Variants in ACER1 observed in about 807,000 individuals in gnomAD.
ACER1 encodes alkaline ceramidase 1, also known as CTB-180A7.3.
In ACER1, 28 loss-of-function variants were observed where a neutral mutation model predicts 24.9. That is an observed-to-expected ratio of 1.13 (90% confidence interval 0.83 to 1.54). The LOEUF is 1.54. Ranked by LOEUF, ACER1 falls within the 40% of genes most tolerant of loss-of-function variation. The pLI, the probability that ACER1 is intolerant of heterozygous loss-of-function variation, is 0.00. For missense variants in ACER1, 352 were observed against 349.3 expected (o/e 1.01, Z -0.06); for synonymous variants, 132 against 131.4 (o/e 1.00, Z -0.03).
chr19:6,310,101 T>C (rs552992812), intron 3 of ACER1, among the ~76,000 whole-genome samples: 1 of 151,798 alleles, frequency 6.6e-6, no homozygotes, highest in South Asian at 2.1e-4. Flanking sequence ...ATTTCTTTTT[T>C]TTTTGAGACG....
chr19:6,336,706 G>A (rs1021601794), upstream of ACER1, among the ~76,000 whole-genome samples: 1 of 151,020 alleles, frequency 6.6e-6, no homozygotes, highest in Non-Finnish European at 1.5e-5. Context: ...TGTAGTCCCA[G>A]CTACTTGGGA....
At chr19:6,345,813 C>T in the ACER1 span, among the ~76,000 whole-genome samples, 1 of 151,890 alleles carries the variant, frequency 6.6e-6, no homozygotes, top group Admixed American at 6.6e-5. Flanking sequence ...GATCCACCTG[C>T]CTTGGCCTCC....
intron 3 of ACER1, among the ~76,000 whole-genome samples, chr19:6,310,162 G>A (rs992703263): frequency 4.0e-5 from 6 of 151,774 alleles, no homozygotes; most frequent in South Asian, 2.1e-4. Flanking sequence ...ATCTGGGCTC[G>A]CTGCAAGCTC....
chr19:6,335,677 A>G (rs1475434458), upstream of ACER1, among the ~76,000 whole-genome samples: 1 of 151,818 alleles, frequency 6.6e-6, no homozygotes, highest in Non-Finnish European at 1.5e-5. Context: ...AAAAATACAA[A>G]AAAGGTAGCT....
At chr19:6,320,504 G>A (rs945762819) in intron 1 of ACER1, among the ~76,000 whole-genome samples, 12 of 152,120 alleles carry the variant, frequency 7.9e-5, no homozygotes, top group South Asian at 6.2e-4. Flanking sequence ...GTAGAGACGG[G>A]GTTTCGCTAT....
At chr19:6,351,382 T>A in the ACER1 span, among the ~76,000 whole-genome samples, 633 of 150,568 alleles carry the variant, frequency 4.2e-3, 6 homozygotes, top group Non-Finnish European at 7.5e-3. Flanking sequence ...ATAAAAATAA[T>A]AATAATAATA....
the ACER1 span, among the ~76,000 whole-genome samples, chr19:6,357,634 TG>T: frequency 0.015 from 2,300 of 151,252 alleles, 54 homozygotes; most frequent in African/African-American, 0.054. Flanking sequence ...TATCTGGGCG[TG>T]ATGGTGGGTG....
At chr19:6,324,942 A>C (rs1401715446) in intron 1 of ACER1, among the ~76,000 whole-genome samples, 1 of 151,676 alleles carries the variant, frequency 6.6e-6, no homozygotes, top group East Asian at 1.9e-4. Flanking sequence ...CTAAGTTGTC[A>C]TCAACCCAGA....
intron 1 of ACER1, among the ~76,000 whole-genome samples, chr19:6,325,009 C>T (rs185422345): frequency 3.3e-5 from 5 of 152,204 alleles, no homozygotes; most frequent in African/African-American, 1.2e-4. Flanking sequence ...ACTGACGGAG[C>T]CCACACCTGG....
chr19:6,340,076 A>G, the ACER1 span, among the ~76,000 whole-genome samples: 1 of 151,404 alleles, frequency 6.6e-6, no homozygotes, highest in African/African-American at 2.4e-5. Context: ...AGGGTTCAAG[A>G]CCAGCCTGGC....
chr19:6,336,832 A>G (rs981939325), upstream of ACER1, among the ~76,000 whole-genome samples: 7 of 150,592 alleles, frequency 4.6e-5, no homozygotes, highest in African/African-American at 7.3e-5. Flanking sequence ...AAAAAAAAAA[A>G]AAAAAGAAAA....
At chr19:6,327,367 C>T (rs1054703573) in intron 1 of ACER1, among the ~76,000 whole-genome samples, 1 of 152,006 alleles carries the variant, frequency 6.6e-6, no homozygotes, top group Non-Finnish European at 1.5e-5. Flanking sequence ...AGATCGAGAC[C>T]ATCCTGGCTA....
chr19:6,341,622 G>GTTTTGT, the ACER1 span, among the ~76,000 whole-genome samples: 2,627 of 150,666 alleles, frequency 0.017, 76 homozygotes, highest in African/African-American at 0.06. Flanking sequence ...GTTTTGTTTT[G>GTTTTGT]TTTTGTTTTT....
chr19:6,324,860 A>AGAAAGGAAGGAAGG (rs2091651808), intron 1 of ACER1, among the ~76,000 whole-genome samples: 1 of 100,288 alleles, frequency 1.0e-5, no homozygotes, highest in Non-Finnish European at 2.1e-5. Flanking sequence ...AGAGAGAGAG[A>AGAAAGGAAGGAAGG]AAGGAAGGAA....
At chr19:6,321,962 C>G (rs1329422363) in intron 1 of ACER1, among the ~76,000 whole-genome samples, 2 of 152,096 alleles carry the variant, frequency 1.3e-5, no homozygotes, top group African/African-American at 4.8e-5. Context: ...GAGCCTGGAG[C>G]AGAGCCTGGT....
At chr19:6,343,004 C>T in the ACER1 span, among the ~76,000 whole-genome samples, 7 of 151,952 alleles carry the variant, frequency 4.6e-5, no homozygotes, top group Admixed American at 6.6e-5. Flanking sequence ...CTCGAACTCC[C>T]GACCTCAGGT....
At position 6,315,662 on chromosome 19, in the gene ACER1, A is replaced by G. The variant is rs1436332160; in HGVS notation, c.94-3163T>C. Reference sequence around the variant, plus strand: ...CCAAAGTGCTGGGATTACAGGCTTGAGCCACCACGGCCAGCCTAATTTTTG... The same window carrying G: ...CCAAAGTGCTGGGATTACAGGCTTGGGCCACCACGGCCAGCCTAATTTTTG... On this transcript the variant is annotated intron_variant, in intron 1 of 5. Transcript: ENST00000301452. Among the ~76,000 whole-genome samples, 3 of 151,742 alleles carry G rather than the reference A, an allele frequency of 2.0e-5. No individual in the cohort carries two copies. In the East Asian group the frequency reaches 5.9e-4, roughly 30 times the overall value.
chr19:6,332,260 C>G (rs945086215), intron 1 of ACER1, among the ~76,000 whole-genome samples: 1 of 147,320 alleles, frequency 6.8e-6, no homozygotes, highest in Non-Finnish European at 1.5e-5. Context: ...AGCCTCCGCG[C>G]CCGGCCTTTT....
chr19:6,339,821 C>A, the ACER1 span, among the ~76,000 whole-genome samples: 7,534 of 152,040 alleles, frequency 0.05, 283 homozygotes, highest in African/African-American at 0.11. Context: ...CGCCACCACA[C>A]CCGGCTAAGT....
Sources: allele counts gnomAD v4.1 joint callset (sites outside exome capture counted in the v4.1 genomes callset), GRCh38; gene constraint gnomAD v4.1.1; transcripts MANE v1.5; gene names NCBI Gene and HGNC (gene_info 2026-07-23, HGNC 2026-07-21).